Variants in NR3C1 observed in about 807,000 individuals in gnomAD.
The protein encoded by NR3C1 is nuclear receptor subfamily 3 group C member 1, also known as glucocorticoid receptor.
A neutral mutation model predicts 74.0 loss-of-function variants in NR3C1; 14 were observed. That is an observed-to-expected ratio of 0.19 (90% CI 0.12 to 0.30). The LOEUF (loss-of-function observed/expected upper bound fraction) is 0.30. Among genes scored for constraint, NR3C1 ranks in the 10% least tolerant of loss-of-function variants. The pLI is 1.00. For missense variants in NR3C1, 695 were observed against 909.8 expected, an observed-to-expected ratio of 0.76 and a Z score of 3.04; for synonymous variants, 308 against 332.5, an observed-to-expected ratio of 0.93 and a Z score of 0.80.
intron 2 of NR3C1, among the ~76,000 whole-genome samples, chr5:143,341,658 GTT>G (rs1323505171): frequency 6.6e-6 from 1 of 152,090 alleles, no homozygotes; most frequent in East Asian, 1.9e-4. Flanking sequence ...CCACCAGAAA[GTT>G]GAAAGTGAAA....
intron 7 of NR3C1, among the ~76,000 whole-genome samples, chr5:143,283,860 G>C (rs529184667): frequency 2.0e-5 from 3 of 152,172 alleles, no homozygotes; most frequent in Non-Finnish European, 4.4e-5. Flanking sequence ...TAGTTAGAGC[G>C]AGACAAAGGA....
chr5:143,296,987 G>T (rs1382336058), intron 6 of NR3C1, among the ~76,000 whole-genome samples: 1 of 144,184 alleles, frequency 6.9e-6, no homozygotes, highest in Non-Finnish European at 1.5e-5. Flanking sequence ...CTGAGGCAGA[G>T]AATCACTTGA....
Position 143,400,597 on chromosome 5 carries a change from T to C in NR3C1, c.243A>G (p.Ala81=). The change falls in exon 2 of 9, where the codon GCA becomes GCG. Residue 81 remains alanine, a synonymous_variant. Coordinates refer to ENST00000394464, the MANE Select transcript of NR3C1 (RefSeq NM_000176.3). ...TATACAGTCCCATTGAGAGTGAAAC[T>C]GCTTTGGACAGATCTGGCTGCTGCG... is the stretch of plus-strand genomic sequence containing the variant. The part of the protein sequence containing the change: ...SNAQQPDLSK[A]VSLSMGLYMG... 1 of 1,614,262 alleles carries C rather than the reference T, an allele frequency of 6.2e-7. No homozygotes were observed. The highest frequency in any genetic ancestry group is 1.3e-5 in the African/African-American group (1 of 75,066).
chr5:143,314,108 T>C lies in NR3C1; in HGVS notation c.1245A>G (p.Gly415=). ...PPSSSSTATT[G]PPPKLCLVCS... is the part of the protein sequence containing the mutation. Reference sequence around the variant, plus strand: ...ACACCAGGCAGAGTTTGGGAGGTGGTCCTGTTGTTGCTGTTGAGGAGCTGG... The same window carrying C: ...ACACCAGGCAGAGTTTGGGAGGTGGCCCTGTTGTTGCTGTTGAGGAGCTGG... Residue 415 remains glycine, a synonymous_variant, in exon 3 of 9, where the codon GGA becomes GGG. Coordinates refer to ENST00000394464, the MANE Select transcript of NR3C1 (RefSeq NM_000176.3). The C allele has an allele frequency of 6.2e-7, 1 of 1,613,808 alleles. No individual in the cohort carries two copies. Among genetic ancestry groups the C allele is most frequent in the Non-Finnish European group, 8.5e-7 (1 of 1,179,774 alleles).
intron 3 of NR3C1, among the ~76,000 whole-genome samples, chr5:143,312,655 C>T (rs1473807933): frequency 1.3e-5 from 2 of 152,094 alleles, no homozygotes; most frequent in Non-Finnish European, 2.9e-5. Flanking sequence ...TGGAGGCAAC[C>T]CCATTGTAAG....
chr5:143,395,922 A>G (rs1341420669), intron 2 of NR3C1, among the ~76,000 whole-genome samples: 1 of 151,836 alleles, frequency 6.6e-6, no homozygotes, highest in African/African-American at 2.4e-5. Flanking sequence ...CCACATATCC[A>G]TTTCACTATT....
chr5:143,372,286 G>C (rs1834364689), intron 2 of NR3C1, among the ~76,000 whole-genome samples: 1 of 152,100 alleles, frequency 6.6e-6, no homozygotes. Flanking sequence ...TGAATTGCCA[G>C]GATCACCACT....
chr5:143,412,358 T>C (rs1288951569), intron 1 of NR3C1, among the ~76,000 whole-genome samples: 2 of 152,258 alleles, frequency 1.3e-5, no homozygotes, highest in East Asian at 3.9e-4. Context: ...TTCATTGATT[T>C]TTGCCCACAT....
intron 2 of NR3C1, among the ~76,000 whole-genome samples, chr5:143,374,251 G>T (rs1448454844): frequency 1.1e-4 from 16 of 152,180 alleles, no homozygotes; most frequent in Admixed American, 1.0e-3. Flanking sequence ...CCAGCACTTT[G>T]GGAGGCCGAG....
At chr5:143,287,255 C>A (rs951012253) in intron 7 of NR3C1, among the ~76,000 whole-genome samples, 3 of 151,918 alleles carry the variant, frequency 2.0e-5, no homozygotes, top group African/African-American at 4.8e-5. Context: ...AAAATTGGTT[C>A]TTTGTAAAGA....
At chr5:143,359,074 G>T (rs1831735196) in intron 2 of NR3C1, among the ~76,000 whole-genome samples, 1 of 152,118 alleles carries the variant, frequency 6.6e-6, no homozygotes, top group African/African-American at 2.4e-5. Flanking sequence ...CAACTGAAAT[G>T]GAAGTTATAA....
chr5:143,388,380 T>A (rs1411269548), intron 2 of NR3C1, among the ~76,000 whole-genome samples: 1 of 152,208 alleles, frequency 6.6e-6, no homozygotes, highest in Non-Finnish European at 1.5e-5. Context: ...AGAAATATAA[T>A]CCATTCCTAT....
chr5:143,365,915 G>A (rs1248389720), intron 2 of NR3C1, among the ~76,000 whole-genome samples: 1 of 152,104 alleles, frequency 6.6e-6, no homozygotes, highest in African/African-American at 2.4e-5. Context: ...GTTAGAGGGG[G>A]AAGAAATCAC....
intron 2 of NR3C1, among the ~76,000 whole-genome samples, chr5:143,355,010 G>C (rs1340978129): frequency 2.6e-5 from 4 of 151,650 alleles, no homozygotes; most frequent in Non-Finnish European, 5.9e-5. Context: ...GATATATTGA[G>C]AGAATTACCA....
chr5:143,410,645 A>G (rs1021441996), intron 1 of NR3C1, among the ~76,000 whole-genome samples: 1 of 152,180 alleles, frequency 6.6e-6, no homozygotes, highest in African/African-American at 2.4e-5. Flanking sequence ...GGATAATGAT[A>G]TCTACCCCAC....
At chr5:143,397,694 G>T (rs533752219) in intron 2 of NR3C1, among the ~76,000 whole-genome samples, 31 of 151,850 alleles carry the variant, frequency 2.0e-4, no homozygotes, top group Non-Finnish European at 3.8e-4. Flanking sequence ...TGATATTAAA[G>T]AACTTCTAAA....
At chr5:143,345,267 G>C (rs749626698) in intron 2 of NR3C1, among the ~76,000 whole-genome samples, 3 of 152,110 alleles carry the variant, frequency 2.0e-5, no homozygotes, top group Non-Finnish European at 2.9e-5. Flanking sequence ...CGGAGTGCAG[G>C]GGCACAATCT....
At chr5:143,285,654 G>C (rs1249201796) in intron 7 of NR3C1, among the ~76,000 whole-genome samples, 1 of 151,994 alleles carries the variant, frequency 6.6e-6, no homozygotes, top group African/African-American at 2.4e-5. Flanking sequence ...CATTTAATAA[G>C]CTATAGATTA....
intron 1 of NR3C1, chr5:143,402,525 G>T: frequency 1.1e-6 from 1 of 914,142 alleles, no homozygotes; most frequent in Non-Finnish European, 1.3e-6. Flanking sequence ...AACAACAAAC[G>T]CTAAAGAGCA....
Sources: allele counts gnomAD v4.1 joint callset (sites outside exome capture counted in the v4.1 genomes callset), GRCh38; gene constraint gnomAD v4.1.1; transcripts MANE v1.5; gene names NCBI Gene and HGNC (gene_info 2026-07-23, HGNC 2026-07-21).